Variants in MTMR8 observed in about 807,000 individuals in gnomAD.
MTMR8 encodes the protein myotubularin related protein 8.
Under a neutral mutation model 39.3 loss-of-function variants are expected in MTMR8, and 65 were observed. The observed-to-expected ratio is 1.65, with a 90% CI of 1.35 to 2.03. MTMR8 has a LOEUF of 2.03. MTMR8 is among the 30% of genes most tolerant of loss of function. MTMR8 has a pLI of 0.00. For synonymous variants in MTMR8, 245 were observed against 185.2 expected (o/e 1.32, Z -2.62); for missense variants, 777 against 538.9 (o/e 1.44, Z -4.37).
chrX:64,275,073 T>C (rs1448081132), intron 12 of MTMR8, among the ~76,000 whole-genome samples: 1 of 111,559 alleles, frequency 9.0e-6, no homozygotes, highest in Non-Finnish European at 1.9e-5. Flanking sequence ...ACCACAAAAA[T>C]GATGTCTAAA....
intron 12 of MTMR8, among the ~76,000 whole-genome samples, chrX:64,314,281 C>A (rs1922397897): frequency 8.9e-6 from 1 of 112,881 alleles, no homozygotes. Context: ...GCAGTGGCAG[C>A]ACAGCGGGGT....
intron 12 of MTMR8, among the ~76,000 whole-genome samples, chrX:64,321,715 T>C (rs1348116648): frequency 8.9e-6 from 1 of 112,034 alleles, no homozygotes; most frequent in Non-Finnish European, 1.9e-5. Flanking sequence ...GACATTAATC[T>C]ACATATCTAC....
intron 12 of MTMR8, among the ~76,000 whole-genome samples, chrX:64,287,885 C>A (rs2147136395): frequency 9.5e-6 from 1 of 104,905 alleles, no homozygotes; most frequent in South Asian, 4.5e-4. Flanking sequence ...CTAGACAATA[C>A]CTTTCAGGAC....
intron 12 of MTMR8, among the ~76,000 whole-genome samples, chrX:64,299,880 T>A (rs1921780887): frequency 1.2e-5 from 1 of 83,770 alleles, no homozygotes; most frequent in African/African-American, 4.5e-5. Flanking sequence ...TTCCATGTAG[T>A]TGAGCGGCTT....
Position 64,359,426 on chromosome X carries a change from A to G in MTMR8, c.126T>C (p.Gly42=). The G allele has an allele frequency of 8.3e-7, 1 of 1,205,898 alleles. No homozygotes were observed. The highest frequency in any genetic ancestry group is 1.1e-6 in the Non-Finnish European group (1 of 892,144). The part of the protein sequence containing the change: ...ATHLIYVEAS[G]AARKETWIAL... ...ATACCCATGTTTCTTTCCGGGCTGC[A>G]CCTGAAGCCTCCACATAGATCAGGT... Residue 42 remains glycine (G), a synonymous_variant, in exon 2 of 14, where the codon GGT becomes GGC. Transcript: ENST00000374852.
intron 1 of MTMR8, among the ~76,000 whole-genome samples, chrX:64,362,839 T>A (rs1438995964): frequency 1.1e-5 from 1 of 88,590 alleles, no homozygotes; most frequent in Non-Finnish European, 1.9e-5. Context: ...CTCCTAAAAC[T>A]AACAAGGAAT....
chrX:64,320,237 T>A (rs146401312), intron 12 of MTMR8, among the ~76,000 whole-genome samples: 133 of 111,169 alleles, frequency 1.2e-3, no homozygotes, highest in Middle Eastern at 9.2e-3. Flanking sequence ...ATGCTTGTGA[T>A]TTTTGCACAT....
At chrX:64,304,979 TGTATATACATATATAC>T (rs201349615) in intron 12 of MTMR8, 7,589 of 97,224 alleles carry the variant, frequency 0.078, 890 homozygotes, top group African/African-American at 0.27. Flanking sequence ...TACATATATA[TGTATATACATATATAC>T]GTATGTATGT....
chrX:64,315,414 C>T lies in MTMR8; in HGVS notation c.1481+13358G>A, dbSNP rs770550079. Among the ~76,000 whole-genome samples the T allele has an allele frequency of 1.3e-3, 141 of 111,872 alleles. 1 individual carries two copies. Among genetic ancestry groups the T allele is most frequent in the African/African-American group, 4.5e-3 (138 of 30,811 alleles). ...GCCTTCCCTCTGCCCACTCTCAGTG[C>T]CTTCCCTCTGAAGATCTTCTAGGAG... is the stretch of plus-strand genomic sequence containing the variant. On this transcript the variant is annotated intron_variant, in intron 12 of 13. Coordinates refer to ENST00000374852, the MANE Select transcript of MTMR8 (RefSeq NM_017677.4).
At chrX:64,297,323 G>C (rs182112122) in intron 12 of MTMR8, among the ~76,000 whole-genome samples, 124 of 110,099 alleles carry the variant, frequency 1.1e-3, no homozygotes, top group Non-Finnish European at 1.9e-3. Context: ...GCATTTCTCT[G>C]ATGGCTAGTG....
At chrX:64,310,890 C>T (rs1922276265) in intron 12 of MTMR8, among the ~76,000 whole-genome samples, 2 of 111,976 alleles carry the variant, frequency 1.8e-5, no homozygotes, top group Non-Finnish European at 3.8e-5. Context: ...TTCCTTAATC[C>T]AGTCTATCAT....
intron 12 of MTMR8, among the ~76,000 whole-genome samples, chrX:64,302,832 A>C (rs1391916853): frequency 8.9e-6 from 1 of 112,365 alleles, no homozygotes; most frequent in Non-Finnish European, 1.9e-5. Context: ...GCTGGTCTTC[A>C]GAGTTCCCTG....
At chrX:64,331,208 T>G (rs990520696) in intron 11 of MTMR8, among the ~76,000 whole-genome samples, 20 of 112,016 alleles carry the variant, frequency 1.8e-4, no homozygotes, top group African/African-American at 6.2e-4. Context: ...GCCTATGAGC[T>G]GCTAGTTTGT....
At chrX:64,305,125 C>A (rs957432135) in intron 12 of MTMR8, 1 of 213,740 alleles carries the variant, frequency 4.7e-6, no homozygotes, top group Non-Finnish European at 9.5e-6. Context: ...TGGATCAAGG[C>A]TAAGATCTTC....
At chrX:64,293,308 C>A (rs1270683912) in intron 12 of MTMR8, among the ~76,000 whole-genome samples, 1 of 111,081 alleles carries the variant, frequency 9.0e-6, no homozygotes, top group Non-Finnish European at 1.9e-5. Flanking sequence ...ATGACTATAA[C>A]CCCTTCTAGC....
At chrX:64,310,963 G>A (rs918719860) in intron 12 of MTMR8, among the ~76,000 whole-genome samples, 1 of 111,536 alleles carries the variant, frequency 9.0e-6, no homozygotes. Context: ...ATATACATAC[G>A]TGTGCATGTG....
At chrX:64,294,771 T>C (rs952576911) in intron 12 of MTMR8, among the ~76,000 whole-genome samples, 1 of 111,509 alleles carries the variant, frequency 9.0e-6, no homozygotes, top group Admixed American at 9.6e-5. Flanking sequence ...TGGGGTCTCA[T>C]TTATAAGGGA....
chrX:64,386,790 T>G (rs1398001894), intron 1 of MTMR8, among the ~76,000 whole-genome samples: 1 of 111,415 alleles, frequency 9.0e-6, no homozygotes, highest in Non-Finnish European at 1.9e-5. Context: ...TCACCTGTAA[T>G]TCCAGAACTT....
chrX:64,297,354 T>G (rs1315052704), intron 12 of MTMR8, among the ~76,000 whole-genome samples: 1 of 107,747 alleles, frequency 9.3e-6, no homozygotes, highest in Non-Finnish European at 1.9e-5. Context: ...TTTTTTCATG[T>G]GTTTTTTGGC....
Sources: gnomAD v4.1 joint callset for allele counts (sites outside exome capture counted in the v4.1 genomes callset) on GRCh38, gnomAD v4.1.1 for gene constraint, MANE v1.5 for transcripts, NCBI Gene and HGNC (gene_info 2026-07-23, HGNC 2026-07-21) for gene names.